Variants in APBB2 observed in about 807,000 individuals in gnomAD.
APBB2 encodes amyloid beta precursor protein binding family B member 2.
In APBB2, 38 loss-of-function variants were observed where a neutral mutation model predicts 82.5. The ratio of observed to expected loss-of-function variants is 0.46; its 90% CI spans 0.36 to 0.60. The LOEUF (loss-of-function observed/expected upper bound fraction) is 0.60. APBB2 is among the 20% of genes least tolerant of loss of function. APBB2 has a pLI of 0.00. For synonymous variants in APBB2, 341 were observed against 368.2 expected (o/e 0.93, Z 0.85); for missense variants, 772 against 972.3 (o/e 0.79, Z 2.74).
intron 6 of APBB2, among the ~76,000 whole-genome samples, chr4:41,000,069 A>ATGTGTGTGTGTGTGTGTG (rs779111046): frequency 6.1e-5 from 8 of 130,634 alleles, no homozygotes; most frequent in African/African-American, 2.5e-4. Context: ...ATATGTGTGT[A>ATGTGTGTGTGTGTGTGTG]TGTGTGTGTG....
chr4:40,945,002 T>C lies in APBB2; in HGVS notation c.907A>G (p.Ile303Val), dbSNP rs774163007. 19 of 1,596,700 alleles carry C rather than the reference T, an allele frequency of 1.2e-5. No individual in the cohort carries two copies. The Admixed American group carries it at 1.7e-4, about 14-fold the overall frequency. ...ATGTGCCAATAATAGGTCCCGGCAA[T>C]GTCACTGACTCTTTTCCAGCCAGGC... is the stretch of plus-strand genomic sequence containing the variant. ...LPPGWKRVSD[I>V]AGTYYWHIPT... Residue 303 changes from isoleucine (I) to valine (V), a missense_variant, in exon 7 of 18, where the codon ATT (isoleucine) becomes GTT (valine). By Grantham distance (29) the Ile-to-Val change is conservative. Transcript: ENST00000508593.
chr4:40,907,189 G>A (rs904524287), intron 10 of APBB2, among the ~76,000 whole-genome samples: 6 of 151,576 alleles, frequency 4.0e-5, no homozygotes, highest in Non-Finnish European at 8.8e-5. Flanking sequence ...AGACTGAATC[G>A]TGTCCCCTCC....
chr4:41,061,726 T>C (rs1729921707), intron 4 of APBB2, among the ~76,000 whole-genome samples: 1 of 152,244 alleles, frequency 6.6e-6, no homozygotes, highest in Non-Finnish European at 1.5e-5. Context: ...TTACTTCTTA[T>C]TTTCGTGCTC....
intron 1 of APBB2, among the ~76,000 whole-genome samples, chr4:41,162,875 T>TATTTAATTGTTG (rs1234776936): frequency 6.6e-6 from 1 of 152,174 alleles, no homozygotes; most frequent in African/African-American, 2.4e-5. Flanking sequence ...TAATAAATTT[T>TATTTAATTGTTG]ATTTAATTGT....
At chr4:41,150,312 G>C (rs547349638) in intron 1 of APBB2, among the ~76,000 whole-genome samples, 1 of 152,252 alleles carries the variant, frequency 6.6e-6, no homozygotes, top group East Asian at 1.9e-4. Context: ...AGCAGGTTAG[G>C]TGTCTAGTTA....
At chr4:41,075,955 T>C (rs953712470) in intron 3 of APBB2, among the ~76,000 whole-genome samples, 2 of 152,190 alleles carry the variant, frequency 1.3e-5, no homozygotes, top group Non-Finnish European at 2.9e-5. Context: ...ATCTCACAAG[T>C]TGATCACCAG....
Position 40,914,177 on chromosome 4 carries a change from T to C in APBB2, c.1254+20279A>G, listed in dbSNP as rs538023180. On this transcript the variant is annotated intron_variant, in intron 10 of 17. Coordinates refer to ENST00000508593, the MANE Select transcript of APBB2 (RefSeq NM_004307.2). ...CGAGGTCAGGAGATCAAGACCATCC[T>C]GGCTAACACGGTGAAACCCTGTCTC... Among the ~76,000 whole-genome samples the C allele has an allele frequency of 7.9e-5, 12 of 152,218 alleles. No individual in the cohort carries two copies. In the East Asian group the frequency reaches 1.2e-3, roughly 15 times the overall value.
intron 1 of APBB2, among the ~76,000 whole-genome samples, chr4:41,145,769 G>A (rs182252494): frequency 6.6e-6 from 1 of 152,326 alleles, no homozygotes; most frequent in East Asian, 1.9e-4. Context: ...CTTGCACCAA[G>A]CCACCTGTGA....
intron 1 of APBB2, among the ~76,000 whole-genome samples, chr4:41,152,385 C>T (rs1394619027): frequency 6.6e-6 from 1 of 151,468 alleles, no homozygotes; most frequent in African/African-American, 2.4e-5. Context: ...TACAGGGGCG[C>T]AATCTCCGCT....
intron 2 of APBB2, among the ~76,000 whole-genome samples, chr4:41,119,292 G>A (rs1752074652): frequency 6.6e-6 from 1 of 152,040 alleles, no homozygotes; most frequent in African/African-American, 2.4e-5. Flanking sequence ...GGGCCGACTG[G>A]GGGAGTGAGT....
intron 12 of APBB2, among the ~76,000 whole-genome samples, chr4:40,882,963 C>T (rs1475803897): frequency 1.3e-5 from 2 of 152,034 alleles, no homozygotes; most frequent in African/African-American, 4.8e-5. Context: ...TGTGAGTGTA[C>T]CTGAGGTACG....
intron 2 of APBB2, among the ~76,000 whole-genome samples, chr4:41,101,346 CCCAGCTA>C (rs1462352281): frequency 1.3e-5 from 2 of 150,274 alleles, no homozygotes; most frequent in African/African-American, 4.9e-5. Context: ...CGCCTGTAGT[CCCAGCTA>C]CTTGGGAGGC....
chr4:40,833,423 C>A (rs967650624), intron 12 of APBB2, among the ~76,000 whole-genome samples: 2 of 152,238 alleles, frequency 1.3e-5, no homozygotes, highest in Admixed American at 6.5e-5. Context: ...TGGCCCTCCC[C>A]ACACTGTCCA....
Position 40,975,791 on chromosome 4 carries a change from AC to A in APBB2, c.836-30719del, listed in dbSNP as rs1215880999. On this transcript the variant is annotated intron_variant, in intron 6 of 17. Coordinates refer to ENST00000508593, the MANE Select transcript of APBB2 (RefSeq NM_004307.2). Reference sequence around the variant, plus strand: ...ACACACACACACACACACACACACAACAACCACTCTACTTTCCCCTATATAA... The same window carrying A: ...ACACACACACACACACACACACACAAAACCACTCTACTTTCCCCTATATAA... 6.3e-5 allele frequency among the ~76,000 whole-genome samples: 5 copies of A among 78,782 alleles called. No individual in the cohort carries two copies. In the East Asian group the frequency reaches 1.3e-3, roughly 21 times the overall value. The allele number at this position is 78,782 out of a possible 152,430, so 51.7% of individuals were successfully genotyped here.
chr4:41,028,974 CAAG>C (rs1016814825), intron 5 of APBB2, among the ~76,000 whole-genome samples: 3 of 152,188 alleles, frequency 2.0e-5, no homozygotes, highest in African/African-American at 7.2e-5. Context: ...TGAGTAATGA[CAAG>C]AACTTCTCTC....
At chr4:41,001,039 C>T (rs1805080671) in intron 6 of APBB2, among the ~76,000 whole-genome samples, 1 of 152,146 alleles carries the variant, frequency 6.6e-6, no homozygotes, top group African/African-American at 2.4e-5. Context: ...AGGTCCCCCA[C>T]TGTAAAGCAA....
At chr4:41,079,468 T>C (rs1201827301) in intron 3 of APBB2, among the ~76,000 whole-genome samples, 1 of 151,852 alleles carries the variant, frequency 6.6e-6, no homozygotes, top group Non-Finnish European at 1.5e-5. Context: ...TAGAGAAACA[T>C]GGGGGAAGGT....
intron 6 of APBB2, among the ~76,000 whole-genome samples, chr4:41,001,016 A>G (rs988514525): frequency 6.6e-6 from 1 of 152,160 alleles, no homozygotes; most frequent in Non-Finnish European, 1.5e-5. Context: ...GGATGAATGG[A>G]AACACTGGTC....
At chr4:40,824,781 A>G (rs1294602415) in intron 15 of APBB2, among the ~76,000 whole-genome samples, 5 of 152,128 alleles carry the variant, frequency 3.3e-5, no homozygotes. Context: ...GTGAGCCACC[A>G]TGCTAGACCT....
Sources: gnomAD v4.1 joint callset for allele counts (sites outside exome capture counted in the v4.1 genomes callset) on GRCh38, gnomAD v4.1.1 for gene constraint, MANE v1.5 for transcripts, NCBI Gene and HGNC (gene_info 2026-07-23, HGNC 2026-07-21) for gene names.